The following FAM78B variants were observed in gnomAD, a reference collection of about 807,000 sequenced individuals.
FAM78B encodes family with sequence similarity 78 member B.
In FAM78B, 10 loss-of-function variants were observed where a neutral mutation model predicts 20.0. The ratio of observed to expected loss-of-function variants is 0.50; its 90% confidence interval spans 0.31 to 0.85. FAM78B has a LOEUF of 0.85. Ranked by LOEUF, FAM78B falls within the 40% of genes least tolerant of loss-of-function variation. The pLI is 0.05. For synonymous variants in FAM78B, 135 were observed against 132.8 expected (o/e 1.02, Z -0.12); for missense variants, 283 against 345.0 (o/e 0.82, Z 1.42).
At chr1:166,146,596 T>C (rs1418396505) in intron 1 of FAM78B, among the ~76,000 whole-genome samples, 1 of 152,030 alleles carries the variant, frequency 6.6e-6, no homozygotes, top group African/African-American at 2.4e-5. Flanking sequence ...GGGTCTGAGG[T>C]TGCCTATGGT....
chr1:166,156,676 G>T (rs908063034), intron 1 of FAM78B, among the ~76,000 whole-genome samples: 5 of 152,194 alleles, frequency 3.3e-5, no homozygotes, highest in Non-Finnish European at 4.4e-5. Flanking sequence ...AAAGAATAAA[G>T]TACCTTAAAA....
chr1:166,080,759 G>A (rs368501489), intron 1 of FAM78B, among the ~76,000 whole-genome samples: 76 of 152,318 alleles, frequency 5.0e-4, no homozygotes, highest in African/African-American at 1.6e-3. Context: ...CTCATGTTCC[G>A]TGTCATTGCT....
chr1:166,166,711 A>AGCCGCCGCCGCC lies in FAM78B; in HGVS notation c.-475_-464dup. 1 of 148,480 alleles carries AGCCGCCGCCGCC rather than the reference A, an allele frequency of 6.7e-6. No homozygotes were observed. Among genetic ancestry groups the AGCCGCCGCCGCC allele is most frequent in the Non-Finnish European group, 1.5e-5 (1 of 66,638 alleles). 9.2% of individuals were successfully genotyped at this position (148,480 alleles called of 1,614,324 possible). ...CTGCCTCCGCGGCGGCAGCAGCAGC[A>AGCCGCCGCCGCC]GCCGCCGCCGCCGCCGCCGCTGCAT... On this transcript the variant is annotated 5_prime_UTR_variant, in exon 1 of 2. Coordinates refer to ENST00000354422, the MANE Select transcript of FAM78B (RefSeq NM_001017961.5).
chr1:166,099,704 C>A (rs1000362894), intron 1 of FAM78B, among the ~76,000 whole-genome samples: 1 of 152,092 alleles, frequency 6.6e-6, no homozygotes, highest in African/African-American at 2.4e-5. Flanking sequence ...TGGTAAAAGG[C>A]CTCGTCCAAA....
intron 1 of FAM78B, among the ~76,000 whole-genome samples, chr1:166,122,161 T>G (rs1654485658): frequency 6.6e-6 from 1 of 152,154 alleles, no homozygotes; most frequent in South Asian, 2.1e-4. Flanking sequence ...TTAGCCAGGA[T>G]AAGGAATGAA....
intron 1 of FAM78B, among the ~76,000 whole-genome samples, chr1:166,156,665 C>A (rs538551820): frequency 1.3e-5 from 2 of 152,318 alleles, no homozygotes; most frequent in East Asian, 3.9e-4. Flanking sequence ...AAGGGACCTG[C>A]AAAGAATAAA....
chr1:166,075,077 C>T (rs927708754), intron 1 of FAM78B, among the ~76,000 whole-genome samples: 9 of 152,112 alleles, frequency 5.9e-5, no homozygotes, highest in African/African-American at 9.7e-5. Flanking sequence ...AGGGTAGTAT[C>T]GGTTTGTGGA....
chr1:166,105,174 C>T (rs1011620111), intron 1 of FAM78B, among the ~76,000 whole-genome samples: 26 of 152,118 alleles, frequency 1.7e-4, no homozygotes, highest in Non-Finnish European at 2.9e-5. Flanking sequence ...GAAACTGGAT[C>T]CCTTCCTTAC....
Position 166,123,108 on chromosome 1 carries a change from G to C in FAM78B, c.263+42878C>G, listed in dbSNP as rs542678582. On this transcript the variant is annotated intron_variant, in intron 1 of 1. Transcript: ENST00000354422. ...AGCAGCAGGGGGTAGATCCCAGCAC[G>C]GACAGGTAACAGTGTGATGTGGCAG... is the stretch of plus-strand genomic sequence containing the variant. 1.0e-3 allele frequency among the ~76,000 whole-genome samples: 156 copies of C among 152,296 alleles called. 1 individual carries two copies. Among genetic ancestry groups the C allele is most frequent in the African/African-American group, 3.6e-3 (151 of 41,558 alleles).
chr1:166,078,503 C>T (rs1652425983), intron 1 of FAM78B, among the ~76,000 whole-genome samples: 1 of 152,220 alleles, frequency 6.6e-6, no homozygotes. Context: ...ATGCTTTCTG[C>T]ATCCCATTTT....
Position 166,070,271 on chromosome 1 carries a change from C to T in FAM78B, c.756G>A (p.Gly252=), listed in dbSNP as rs376347688. 7 of 1,553,370 alleles carry T rather than the reference C, an allele frequency of 4.5e-6. No homozygotes were observed. The highest frequency in any genetic ancestry group is 1.2e-5 in the South Asian group (1 of 80,804). Residue 252 remains glycine, a synonymous_variant, in exon 2 of 2, where the codon GGG becomes GGA. Transcript: ENST00000354422. ...AQVLMWRPKR[G]PPLVVIPPK Reference sequence around the variant, plus strand: ...TAGGAGGGATCACAACCAGAGGTGGCCCCCGCTTGGGCCTCCACATGAGGA... The same window carrying T: ...TAGGAGGGATCACAACCAGAGGTGGTCCCCGCTTGGGCCTCCACATGAGGA...
intron 1 of FAM78B, among the ~76,000 whole-genome samples, chr1:166,102,422 A>T (rs1371459572): frequency 5.9e-5 from 9 of 152,226 alleles, no homozygotes; most frequent in Non-Finnish European, 1.2e-4. Context: ...CAAATTGGAT[A>T]AAGAGTCAAG....
At chr1:166,116,204 T>C (rs971460676) in intron 1 of FAM78B, among the ~76,000 whole-genome samples, 31 of 152,330 alleles carry the variant, frequency 2.0e-4, no homozygotes, top group African/African-American at 7.0e-4. Context: ...TCTCCGCTGT[T>C]TAACTGGGAT....
At chr1:166,064,822 T>C (rs561961377), downstream of FAM78B, among the ~76,000 whole-genome samples, 4 of 152,378 alleles carry the variant, frequency 2.6e-5, no homozygotes, top group East Asian at 5.8e-4. Context: ...ACTTTGTCTT[T>C]CTGATCGTGA....
rs1656379772 is a variant in FAM78B at position 166,166,308 on chromosome 1, C to T, written c.-60G>A. 2.6e-6 allele frequency: 3 copies of T among 1,141,664 alleles called. No individual in the cohort carries two copies. Among genetic ancestry groups the T allele is most frequent in the Non-Finnish European group, 3.2e-6 (3 of 930,370 alleles). 70.7% of individuals were successfully genotyped at this position (1,141,664 alleles called of 1,614,324 possible). On this transcript the variant is annotated 5_prime_UTR_variant, in exon 1 of 2. Coordinates refer to ENST00000354422, the MANE Select transcript of FAM78B (RefSeq NM_001017961.5). ...GCAGCGCGGGGGCCCGCGCGGGCAGCCGGGGGCGCCCGTCACGCCGGCATG... is the reference window on the plus strand; with the variant it reads ...GCAGCGCGGGGGCCCGCGCGGGCAGTCGGGGGCGCCCGTCACGCCGGCATG...
downstream of FAM78B, among the ~76,000 whole-genome samples, chr1:166,068,154 A>C (rs1204245549): frequency 6.6e-6 from 1 of 152,194 alleles, no homozygotes; most frequent in Non-Finnish European, 1.5e-5. Flanking sequence ...ATTAGATTCT[A>C]GGGTCAGTAT....
At chr1:166,067,091 G>A (rs1651825065), downstream of FAM78B, among the ~76,000 whole-genome samples, 1 of 152,138 alleles carries the variant, frequency 6.6e-6, no homozygotes, top group South Asian at 2.1e-4. Context: ...ATTGTCTCTA[G>A]TTTTAGACTC....
intron 1 of FAM78B, among the ~76,000 whole-genome samples, chr1:166,133,988 C>CA (rs1557912427): frequency 6.6e-6 from 1 of 152,200 alleles, no homozygotes; most frequent in African/African-American, 2.4e-5. Context: ...GACTGAGAGT[C>CA]AGTGAGTGAC....
chr1:166,129,957 C>T (rs750578017), intron 1 of FAM78B, among the ~76,000 whole-genome samples: 1 of 152,188 alleles, frequency 6.6e-6, no homozygotes, highest in Non-Finnish European at 1.5e-5. Flanking sequence ...CTCTTGCTAC[C>T]TTCTCATCTA....
Sources: allele counts gnomAD v4.1 joint callset (sites outside exome capture counted in the v4.1 genomes callset), GRCh38; gene constraint gnomAD v4.1.1; transcripts MANE v1.5; gene names NCBI Gene and HGNC (gene_info 2026-07-23, HGNC 2026-07-21).